SLC11A2: variants seen among roughly 807,000 people sequenced by gnomAD.
The protein encoded by SLC11A2 is solute carrier family 11 member 2, also known as natural resistance-associated macrophage protein 2.
In SLC11A2, 38 loss-of-function variants were observed where a neutral mutation model predicts 68.0. That is an observed-to-expected ratio of 0.56 (90% CI 0.43 to 0.73). The LOEUF is 0.73. SLC11A2 is among the 30% of genes least tolerant of loss of function. The probability of loss-of-function intolerance (pLI) is 0.00; values close to 1 mark genes in which losing one functional copy is unlikely to be tolerated. For synonymous variants in SLC11A2, 242 were observed against 250.6 expected, an observed-to-expected ratio of 0.97 and a Z score of 0.32; for missense variants, 517 against 690.5, an observed-to-expected ratio of 0.75 and a Z score of 2.82.
At chr12:50,981,705 T>C (rs543288173), downstream of SLC11A2, 6 of 1,487,726 alleles carry the variant, frequency 4.0e-6, no homozygotes, top group African/African-American at 4.2e-5. Context: ...CATGTTCTTA[T>C]AGAGTCTCTC....
At chr12:51,026,188 G>A (rs1314821637) in intron 1 of SLC11A2, 122 bp downstream of exon 1, 15 of 1,176,812 alleles carry the variant, frequency 1.3e-5, no homozygotes, top group Non-Finnish European at 1.6e-5. Context: ...AGCCCCGCAC[G>A]GCGAGCCGGT....
chr12:51,026,168 C>T (rs1469476537), intron 1 of SLC11A2, 142 bp downstream of exon 1: 4 of 1,168,676 alleles, frequency 3.4e-6, no homozygotes, highest in African/African-American at 1.7e-5. Context: ...CTGGCCACAC[C>T]TCCCCTCACA....
At chr12:50,956,485 G>A in the SLC11A2 span, among the ~76,000 whole-genome samples, 6 of 152,184 alleles carry the variant, frequency 3.9e-5, no homozygotes, top group African/African-American at 1.2e-4. Flanking sequence ...ACAGGATGGA[G>A]GGTCCTATGC....
In SLC11A2 at chr12:50,986,762, G is replaced by C. The variant is rs1322363363; in HGVS notation, c.*1563C>G. On this transcript the variant is annotated 3_prime_UTR_variant, in exon 16 of 16. Coordinates refer to ENST00000262052, the MANE Select transcript of SLC11A2 (RefSeq NM_000617.3). ...CATAACTCTGTGCTATATTACTTGAGGGGCTAAGAAAAATGTATGGTCAGT... is the reference window on the plus strand; with the variant it reads ...CATAACTCTGTGCTATATTACTTGACGGGCTAAGAAAAATGTATGGTCAGT... 1.6e-6 allele frequency: 2 copies of C among 1,287,132 alleles called. No homozygotes were observed. Among genetic ancestry groups the C allele is most frequent in the South Asian group, 1.2e-5 (1 of 80,932 alleles). 79.7% of individuals were successfully genotyped at this position (1,287,132 alleles called of 1,614,324 possible).
At chr12:51,013,434 G>A (rs1238438234) in intron 1 of SLC11A2, among the ~76,000 whole-genome samples, 1 of 151,292 alleles carries the variant, frequency 6.6e-6, no homozygotes, top group Non-Finnish European at 1.5e-5. Context: ...AGGATTACAG[G>A]CGCCCACCAC....
chr12:51,020,547 T>C (rs1230144256), intron 1 of SLC11A2, among the ~76,000 whole-genome samples: 1 of 152,136 alleles, frequency 6.6e-6, no homozygotes, highest in Non-Finnish European at 1.5e-5. Flanking sequence ...ACTCAGTTTA[T>C]AAAGTACAAA....
intron 3 of SLC11A2, among the ~76,000 whole-genome samples, chr12:51,007,812 T>C (rs576499135): frequency 2.0e-5 from 3 of 152,290 alleles, no homozygotes; most frequent in Non-Finnish European, 2.9e-5. Context: ...AGCTAATTTT[T>C]GTATTTTTTG....
upstream of SLC11A2, chr12:51,026,446 C>T (rs887001347): frequency 7.2e-5 from 65 of 904,094 alleles, no homozygotes; most frequent in Non-Finnish European, 9.2e-5. Context: ...TCCCTATTGG[C>T]TGGAGTCCCT....
intron 1 of SLC11A2, among the ~76,000 whole-genome samples, chr12:51,015,433 C>G (rs895415386): frequency 6.6e-6 from 1 of 151,524 alleles, no homozygotes; most frequent in Non-Finnish European, 1.5e-5. Context: ...TGAGATTGCG[C>G]CACTGCACTC....
At chr12:51,013,443 A>C (rs913624005) in intron 1 of SLC11A2, among the ~76,000 whole-genome samples, 9 of 151,020 alleles carry the variant, frequency 6.0e-5, no homozygotes, top group African/African-American at 2.2e-4. Flanking sequence ...GGCGCCCACC[A>C]CCGAGCCCGG....
At chr12:50,972,361 T>C in the SLC11A2 span, among the ~76,000 whole-genome samples, 5 of 152,226 alleles carry the variant, frequency 3.3e-5, no homozygotes, top group Admixed American at 1.3e-4. Context: ...AGTATTCATT[T>C]GTTAAGAGTA....
chr12:50,957,799 C>T, the SLC11A2 span, among the ~76,000 whole-genome samples: 74 of 151,968 alleles, frequency 4.9e-4, no homozygotes, highest in Admixed American at 1.8e-3. Flanking sequence ...ACAGGAGAAT[C>T]GCTTGAACCC....
At chr12:51,021,626 CAA>C (rs11437647) in intron 1 of SLC11A2, among the ~76,000 whole-genome samples, 9 of 141,800 alleles carry the variant, frequency 6.3e-5, no homozygotes, top group Admixed American at 2.1e-4. Context: ...GACCCTGTCT[CAA>C]AAAAAAAAAA....
At chr12:51,008,692 T>C in intron 2 of SLC11A2, 68 bp from the exon 3 acceptor site, 2 of 1,261,718 alleles carry the variant, frequency 1.6e-6, no homozygotes, top group Non-Finnish European at 1.2e-6. Context: ...TCATCCTTAG[T>C]ATACTGAAAT....
intron 1 of SLC11A2, chr12:51,025,821 T>A: frequency 1.0e-6 from 1 of 986,544 alleles, no homozygotes; most frequent in Non-Finnish European, 1.2e-6. Flanking sequence ...AGGCGCTCCC[T>A]GAAGTCGGTT....
intron 1 of SLC11A2, among the ~76,000 whole-genome samples, chr12:51,015,424 G>A (rs1035164109): frequency 5.9e-5 from 8 of 135,658 alleles, no homozygotes; most frequent in Non-Finnish European, 1.1e-4. Flanking sequence ...GCAGTGAGCT[G>A]AGATTGCGCC....
Position 50,993,595 on chromosome 12 carries a change from G to A in SLC11A2, c.1078-666C>T, listed in dbSNP as rs187579521. Among the ~76,000 whole-genome samples, 10 of 151,750 alleles carry A rather than the reference G, an allele frequency of 6.6e-5. No homozygotes were observed. The East Asian group carries it at 1.8e-3, about 27-fold the overall frequency. On this transcript the variant is annotated intron_variant, in intron 11 of 15. Transcript: ENST00000262052. ...AATCCCAGCACTTTGGGAGGCCGAG[G>A]GGGGGGTGGATCACCTGAGGTCAGG...
rs376745489 is a variant in SLC11A2 at position 51,001,458 on chromosome 12, TGTA to T, written c.430-1042_430-1040del. Among the ~76,000 whole-genome samples the T allele has an allele frequency of 7.1e-4, 108 of 151,816 alleles. No individual in the cohort carries two copies. The East Asian group carries it at 0.015, about 21-fold the overall frequency. ...TGTATTGGGCTTAATATCGGGGTGA[TGTA>T]ATAATATGTACAACAAACCCCCATG... On this transcript the variant is annotated intron_variant, in intron 5 of 15. Coordinates refer to ENST00000262052, the MANE Select transcript of SLC11A2 (RefSeq NM_000617.3).
At chr12:51,020,952 T>C (rs560251941) in intron 1 of SLC11A2, among the ~76,000 whole-genome samples, 1 of 152,142 alleles carries the variant, frequency 6.6e-6, no homozygotes, top group Non-Finnish European at 1.5e-5. Context: ...TAGCCATGTG[T>C]GATGGCCACA....
Sources: allele counts gnomAD v4.1 joint callset (sites outside exome capture counted in the v4.1 genomes callset), GRCh38; gene constraint gnomAD v4.1.1; transcripts MANE v1.5; gene names NCBI Gene and HGNC (gene_info 2026-07-23, HGNC 2026-07-21).